TNS3: variants seen among roughly 807,000 people sequenced by gnomAD.
TNS3 encodes the protein tensin-3.
TNS3 carries 45 observed loss-of-function variants against 140.9 expected under a neutral mutation model. The ratio of observed to expected loss-of-function variants is 0.32; its 90% confidence interval spans 0.25 to 0.41. The LOEUF (loss-of-function observed/expected upper bound fraction) is 0.41, where lower values mean the gene tolerates loss of function less well. Among genes scored for constraint, TNS3 ranks in the 10% least tolerant of loss-of-function variants. The pLI, the probability that TNS3 is intolerant of heterozygous loss-of-function variation, is 1.00. For synonymous variants in TNS3, 815 were observed against 788.4 expected, an observed-to-expected ratio of 1.03 and a Z score of -0.56; for missense variants, 1,716 against 1,906.7, an observed-to-expected ratio of 0.90 and a Z score of 1.86.
intron 16 of TNS3, among the ~76,000 whole-genome samples, chr7:47,391,355 C>T (rs1409039203): frequency 6.6e-6 from 1 of 152,180 alleles, no homozygotes; most frequent in African/African-American, 2.4e-5. Context: ...TCTTCCTGCG[C>T]CCACCCCAGC....
chr7:47,275,444 G>T lies in TNS3; in HGVS notation c.*2632C>A. On this transcript the variant is annotated 3_prime_UTR_variant, in exon 31 of 31. Transcript: ENST00000311160. ...TAGGACCCTGGCTATAACATGCGTT[G>T]GGCACAGTTCGTGAACTCTCCGCAT... is the stretch of plus-strand genomic sequence containing the variant. 1 of 185,560 alleles carries T rather than the reference G, an allele frequency of 5.4e-6. No homozygotes were observed. The allele number at this position is 185,560 out of a possible 1,614,324, so 11.5% of individuals were successfully genotyped here. A position where few individuals can be genotyped will look rare whatever the true frequency, so the allele number is the denominator to read the frequency against.
intron 1 of TNS3, among the ~76,000 whole-genome samples, chr7:47,553,106 G>T (rs1343384147): frequency 6.6e-6 from 1 of 152,228 alleles, no homozygotes; most frequent in Non-Finnish European, 1.5e-5. Context: ...TGAGGAAGCG[G>T]CAGGAGAAAA....
chr7:47,485,844 G>A (rs1478428704), intron 3 of TNS3, among the ~76,000 whole-genome samples: 2 of 152,248 alleles, frequency 1.3e-5, no homozygotes, highest in African/African-American at 2.4e-5. Flanking sequence ...TTGTCCCCAA[G>A]CCAGCAGGTC....
intron 4 of TNS3, among the ~76,000 whole-genome samples, chr7:47,473,512 A>T (rs6963440): frequency 0.21 from 32,279 of 152,096 alleles, 4,244 homozygotes; most frequent in African/African-American, 0.37. Flanking sequence ...GGTGATCTTC[A>T]GCCGAGACTC....
chr7:47,506,832 C>A, intron 3 of TNS3, 75 bp downstream of exon 3: 1 of 1,132,118 alleles, frequency 8.8e-7, no homozygotes, highest in Non-Finnish European at 1.2e-6. Context: ...TCCAAAGAGG[C>A]CCCCCCACAC....
intron 20 of TNS3, among the ~76,000 whole-genome samples, chr7:47,331,220 T>A (rs770308478): frequency 6.6e-6 from 1 of 152,190 alleles, no homozygotes; most frequent in Non-Finnish European, 1.5e-5. Flanking sequence ...AGCAACAGGC[T>A]CTGCCCCAAT....
At chr7:47,448,868 G>GGC (rs1795880581) in intron 4 of TNS3, among the ~76,000 whole-genome samples, 1 of 152,180 alleles carries the variant, frequency 6.6e-6, no homozygotes, top group Non-Finnish European at 1.5e-5. Flanking sequence ...AATGAAATCT[G>GGC]AAATCAGACA....
chr7:47,436,273 A>T (rs1795178331), intron 7 of TNS3, among the ~76,000 whole-genome samples: 1 of 152,216 alleles, frequency 6.6e-6, no homozygotes, highest in African/African-American at 2.4e-5. Flanking sequence ...TACTATTGTT[A>T]ACTAGTATTA....
intron 16 of TNS3, among the ~76,000 whole-genome samples, chr7:47,371,542 C>T (rs1446413265): frequency 6.6e-6 from 1 of 152,158 alleles, no homozygotes; most frequent in Non-Finnish European, 1.5e-5. Context: ...CTGTCAGTGG[C>T]CCTGCCCACA....
chr7:47,570,011 G>A (rs376358546), intron 1 of TNS3, among the ~76,000 whole-genome samples: 8 of 152,214 alleles, frequency 5.3e-5, no homozygotes, highest in Non-Finnish European at 8.8e-5. Flanking sequence ...TTAGCCAGGC[G>A]TGGTGGCAGG....
chr7:47,310,484 C>T (rs1313961416), intron 20 of TNS3, among the ~76,000 whole-genome samples: 1 of 152,024 alleles, frequency 6.6e-6, no homozygotes, highest in Non-Finnish European at 1.5e-5. Context: ...AAAGAACATG[C>T]CTCCCCCACC....
intron 4 of TNS3, among the ~76,000 whole-genome samples, chr7:47,459,351 C>T (rs1796389623): frequency 6.6e-6 from 1 of 152,186 alleles, no homozygotes; most frequent in South Asian, 2.1e-4. Context: ...AAACATGAAA[C>T]CCATTCCATC....
At chr7:47,283,888 C>T (rs747444655) in intron 27 of TNS3, 23 bp from the exon 28 acceptor site, 2 of 1,548,314 alleles carry the variant, frequency 1.3e-6, no homozygotes, top group African/African-American at 2.8e-5. Flanking sequence ...AAGGGAGACA[C>T]ATGTTAGTTG....
intron 4 of TNS3, among the ~76,000 whole-genome samples, chr7:47,467,714 G>A (rs1463708001): frequency 6.6e-6 from 1 of 152,102 alleles, no homozygotes; most frequent in Non-Finnish European, 1.5e-5. Context: ...GGACTATTGA[G>A]CCACAGGAGA....
intron 1 of TNS3, among the ~76,000 whole-genome samples, chr7:47,549,927 G>T: frequency 1.4e-5 from 1 of 69,686 alleles, no homozygotes; most frequent in Non-Finnish European, 3.0e-5. Flanking sequence ...CCACGTCCCC[G>T]CCCTCCCACC....
chr7:47,533,121 A>ATTTT (rs1799468907), intron 1 of TNS3, among the ~76,000 whole-genome samples: 1 of 31,272 alleles, frequency 3.2e-5, no homozygotes, highest in Non-Finnish European at 5.9e-5. Context: ...ATATATATAT[A>ATTTT]TATTTTTTTT....
intron 17 of TNS3, among the ~76,000 whole-genome samples, chr7:47,353,403 A>T (rs962796271): frequency 6.6e-5 from 10 of 152,164 alleles, no homozygotes; most frequent in Non-Finnish European, 1.5e-5. Context: ...ACTTGGTAAA[A>T]CACTCTCTCT....
intron 1 of TNS3, chr7:47,557,100 T>C (rs1239810760): frequency 2.0e-5 from 9 of 456,720 alleles, no homozygotes; most frequent in Admixed American, 1.4e-4. Flanking sequence ...ATCCGAATCC[T>C]GATCTCTGCC....
intron 1 of TNS3, among the ~76,000 whole-genome samples, chr7:47,551,715 C>T (rs932892030): frequency 2.0e-5 from 3 of 152,218 alleles, no homozygotes; most frequent in Non-Finnish European, 4.4e-5. Context: ...ACACCCCACA[C>T]AGGCAAAGTT....
Sources: gnomAD v4.1 joint callset for allele counts (sites outside exome capture counted in the v4.1 genomes callset) on GRCh38, gnomAD v4.1.1 for gene constraint, MANE v1.5 for transcripts, NCBI Gene and HGNC (gene_info 2026-07-23, HGNC 2026-07-21) for gene names.